NRXN1: variants seen among roughly 807,000 people sequenced by gnomAD.
NRXN1 encodes the protein neurexin-1.
NRXN1 carries 39 observed loss-of-function variants against 150.9 expected under a neutral mutation model. That is an observed-to-expected ratio of 0.26 (90% confidence interval 0.20 to 0.34). The LOEUF is 0.34. Ranked by LOEUF, NRXN1 falls within the 10% of genes least tolerant of loss-of-function variation. The probability of loss-of-function intolerance (pLI) is 1.00; values close to 1 mark genes in which losing one functional copy is unlikely to be tolerated. For synonymous variants in NRXN1, 924 were observed against 757.0 expected, an observed-to-expected ratio of 1.22 and a Z score of -3.62; for missense variants, 1,815 against 1,949.9, an observed-to-expected ratio of 0.93 and a Z score of 1.30.
chr2:50,672,238 A>G (rs1688959320), intron 5 of NRXN1, among the ~76,000 whole-genome samples: 1 of 151,896 alleles, frequency 6.6e-6, no homozygotes, highest in Non-Finnish European at 1.5e-5. Context: ...ATTATGTATC[A>G]TCAGCTTTCA....
chr2:50,977,575 T>C (rs1167291932), intron 2 of NRXN1, among the ~76,000 whole-genome samples: 2 of 151,870 alleles, frequency 1.3e-5, no homozygotes, highest in East Asian at 3.9e-4. Context: ...TGCAGAATAA[T>C]CTCTCTATTC....
intron 5 of NRXN1, among the ~76,000 whole-genome samples, chr2:50,806,320 G>C (rs527542822): frequency 6.6e-6 from 1 of 152,220 alleles, no homozygotes; most frequent in East Asian, 1.9e-4. Context: ...TTCCACGTTT[G>C]TAAATCAATG....
chr2:50,134,024 A>C (rs1008282026), intron 18 of NRXN1, among the ~76,000 whole-genome samples: 2 of 152,146 alleles, frequency 1.3e-5, no homozygotes, highest in Non-Finnish European at 2.9e-5. Flanking sequence ...AATGTAACTA[A>C]ACATGCCATC....
At chr2:50,318,268 T>C (rs2075764813) in intron 17 of NRXN1, among the ~76,000 whole-genome samples, 1 of 152,088 alleles carries the variant, frequency 6.6e-6, no homozygotes, top group Non-Finnish European at 1.5e-5. Flanking sequence ...TGAAATACCA[T>C]TGTACAATCA....
rs757186994 is a variant in NRXN1, at chr2:50,583,153, C to G, written c.1321-30128G>C. The stretch of plus-strand genomic sequence containing the variant: ...GCAGCCTCAAACTCCTAGGTTCAAG[C>G]AAGCCTCCCATTTCAGCCTCCCAAG... On this transcript the variant is annotated intron_variant, in intron 8 of 22. Coordinates refer to ENST00000401669, the MANE Select transcript of NRXN1 (RefSeq NM_001330078.2). Among the ~76,000 whole-genome samples the G allele has an allele frequency of 2.9e-4, 44 of 152,130 alleles. 1 individual carries two copies. Among genetic ancestry groups the G allele is most frequent in the Middle Eastern group, 6.8e-3 (2 of 294 alleles).
intron 8 of NRXN1, among the ~76,000 whole-genome samples, chr2:50,612,265 A>G (rs549113146): frequency 1.3e-5 from 2 of 152,188 alleles, no homozygotes; most frequent in East Asian, 3.9e-4. Flanking sequence ...TACCTTTGCA[A>G]TTATGAAGCT....
chr2:50,115,481 G>A (rs75191198), intron 18 of NRXN1, among the ~76,000 whole-genome samples: 3,018 of 151,718 alleles, frequency 0.02, 113 homozygotes, highest in African/African-American at 0.07. Context: ...ACTAATAAAG[G>A]AAATACTATT....
At chr2:50,471,880 A>T (rs1382657732) in intron 16 of NRXN1, among the ~76,000 whole-genome samples, 1 of 151,052 alleles carries the variant, frequency 6.6e-6, no homozygotes, top group Non-Finnish European at 1.5e-5. Flanking sequence ...CCCTGGACTT[A>T]AAATTAAAAC....
chr2:50,090,071 C>T (rs1699359144), intron 19 of NRXN1, among the ~76,000 whole-genome samples: 1 of 152,284 alleles, frequency 6.6e-6, no homozygotes, highest in South Asian at 2.1e-4. Flanking sequence ...TATTAATTTC[C>T]TTGCTTCCTA....
At chr2:50,046,516 C>T (rs990251156) in intron 21 of NRXN1, among the ~76,000 whole-genome samples, 2 of 152,160 alleles carry the variant, frequency 1.3e-5, no homozygotes, top group East Asian at 3.8e-4. Context: ...GTATGGTGCT[C>T]ACCTGTGACA....
chr2:50,118,493 C>T (rs1387894410), intron 18 of NRXN1, among the ~76,000 whole-genome samples: 1 of 151,216 alleles, frequency 6.6e-6, no homozygotes, highest in East Asian at 1.9e-4. Context: ...AGCAGTTTGA[C>T]TATGACATTC....
At position 50,008,706 on chromosome 2, in the gene NRXN1, C is replaced by T. The variant is rs535583794; in HGVS notation, c.4128+44565G>A. On this transcript the variant is annotated intron_variant, in intron 21 of 22. Transcript: ENST00000401669. Reference sequence around the variant, plus strand: ...TGCCTTGCAAGAAATAATACAAGTGCAGATCGAGTTTTTAAAACCCTGCAT... The same window carrying T: ...TGCCTTGCAAGAAATAATACAAGTGTAGATCGAGTTTTTAAAACCCTGCAT... Among the ~76,000 whole-genome samples, 4 of 151,880 alleles carry T rather than the reference C, an allele frequency of 2.6e-5. No homozygotes were observed. The East Asian group carries it at 7.8e-4, about 30-fold the overall frequency.
At chr2:50,551,786 TTCTC>T (rs1055220044) in intron 9 of NRXN1, among the ~76,000 whole-genome samples, 1 of 150,718 alleles carries the variant, frequency 6.6e-6, no homozygotes, top group African/African-American at 2.4e-5. Context: ...TCTCCCTCTC[TTCTC>T]TCTCTCTCTC....
intron 17 of NRXN1, among the ~76,000 whole-genome samples, chr2:50,329,669 ATATATT>A (rs1396927937): frequency 0.014 from 319 of 22,388 alleles, 38 homozygotes; most frequent in South Asian, 0.025. Flanking sequence ...ATATATATAT[ATATATT>A]TTTTTTTTTC....
intron 12 of NRXN1, among the ~76,000 whole-genome samples, chr2:50,524,281 C>T (rs922430997): frequency 3.9e-5 from 6 of 151,948 alleles, no homozygotes; most frequent in South Asian, 2.1e-4. Context: ...GAGTTCGAGA[C>T]GAGCCCGGCC....
At chr2:50,373,677 A>G (rs879274542) in intron 17 of NRXN1, among the ~76,000 whole-genome samples, 1,997 of 106,582 alleles carry the variant, frequency 0.019, 40 homozygotes, top group African/African-American at 0.046. Flanking sequence ...AAAGAAAGAA[A>G]GAAAAGAAAG....
intron 5 of NRXN1, among the ~76,000 whole-genome samples, chr2:50,643,114 G>T (rs1684300789): frequency 6.6e-6 from 1 of 151,840 alleles, no homozygotes; most frequent in African/African-American, 2.4e-5. Context: ...TTTCTTTACA[G>T]AATAAATCTA....
chr2:50,295,260 A>T (rs2073425670), intron 17 of NRXN1, among the ~76,000 whole-genome samples: 1 of 152,198 alleles, frequency 6.6e-6, no homozygotes, highest in South Asian at 2.1e-4. Flanking sequence ...TTATATCTAC[A>T]TCTTTTAAAT....
At chr2:50,512,818 G>C (rs1258858062) in intron 12 of NRXN1, among the ~76,000 whole-genome samples, 1 of 152,108 alleles carries the variant, frequency 6.6e-6, no homozygotes, top group Admixed American at 6.6e-5. Context: ...ACCTGCTTTG[G>C]ATAGCAGAAT....
Sources: allele counts gnomAD v4.1 joint callset (sites outside exome capture counted in the v4.1 genomes callset), GRCh38; gene constraint gnomAD v4.1.1; transcripts MANE v1.5; gene names NCBI Gene and HGNC (gene_info 2026-07-23, HGNC 2026-07-21).